Variants in RALY observed in about 807,000 individuals in gnomAD.
The protein encoded by RALY is RNA-binding protein Raly.
Under a neutral mutation model 30.7 loss-of-function variants are expected in RALY, and 15 were observed. The ratio of observed to expected loss-of-function variants is 0.49; its 90% CI spans 0.33 to 0.75. The LOEUF is 0.75. Ranked by LOEUF, RALY falls within the 30% of genes least tolerant of loss-of-function variation. The pLI is 0.02. For missense variants in RALY, 339 were observed against 414.3 expected (o/e 0.82, Z 1.58); for synonymous variants, 177 against 170.8 (o/e 1.04, Z -0.28).
intron 1 of RALY, among the ~76,000 whole-genome samples, chr20:34,002,448 A>G (rs1365476191): frequency 1.3e-5 from 2 of 152,230 alleles, no homozygotes; most frequent in Non-Finnish European, 2.9e-5. Context: ...ATTCCTGTCC[A>G]CAAATTACTT....
At chr20:34,029,028 A>C (rs2032161423) in intron 1 of RALY, among the ~76,000 whole-genome samples, 1 of 152,102 alleles carries the variant, frequency 6.6e-6, no homozygotes, top group African/African-American at 2.4e-5. Flanking sequence ...ATGGATTGGA[A>C]TAGGAGGGGT....
chr20:34,024,819 T>C (rs927302697), intron 1 of RALY, among the ~76,000 whole-genome samples: 4 of 152,204 alleles, frequency 2.6e-5, no homozygotes, highest in Admixed American at 2.0e-4. Flanking sequence ...TGCCTGGGCA[T>C]AGGCAACCAT....
rs2034055048 is a variant in RALY, at chr20:34,083,107, C to A, written c.*3202C>A. ...ATCTGGATCAGGGATAGTAAATGGG[C>A]CTTTGTTCAGTTACTGACTGTTGTA... On this transcript the variant is annotated 3_prime_UTR_variant, in exon 10 of 10. Coordinates refer to ENST00000246194, the MANE Select transcript of RALY (RefSeq NM_016732.3). 6.6e-6 allele frequency: 1 copy of A among 152,198 alleles called. No homozygotes were observed. The highest frequency in any genetic ancestry group is 1.5e-5 in the Non-Finnish European group (1 of 68,042). The allele number at this position is 152,198 out of a possible 1,614,324, so 9.4% of individuals were successfully genotyped here.
chr20:34,031,771 G>T (rs1307587041), intron 2 of RALY, among the ~76,000 whole-genome samples, 167 bp downstream of exon 2: 1 of 152,160 alleles, frequency 6.6e-6, no homozygotes, highest in Non-Finnish European at 1.5e-5. Context: ...GAACTGGGAG[G>T]GTTGAGACTG....
chr20:34,056,108 T>TA (rs73621673), intron 2 of RALY, among the ~76,000 whole-genome samples: 15,137 of 152,208 alleles, frequency 0.099, 898 homozygotes, highest in African/African-American at 0.17. Flanking sequence ...ACAAAGCCCT[T>TA]TCTGATCTGA....
chr20:34,001,435 A>G (rs2030911033), intron 1 of RALY, among the ~76,000 whole-genome samples: 1 of 152,182 alleles, frequency 6.6e-6, no homozygotes, highest in Non-Finnish European at 1.5e-5. Flanking sequence ...TTGTCAAGGT[A>G]AGACTCATTG....
At chr20:34,033,755 T>TA (rs2032372904) in intron 2 of RALY, among the ~76,000 whole-genome samples, 1 of 152,154 alleles carries the variant, frequency 6.6e-6, no homozygotes, top group African/African-American at 2.4e-5. Flanking sequence ...CCATCCAAAA[T>TA]ATAGCAGTAT....
chr20:34,076,008 C>T lies in RALY; in HGVS notation c.512C>T (p.Thr171Ile). ...CCTGTCAAGCTCTTTGCCCGCTCCA[C>T]AGCTGTCACCACCAGCTCAGCCAAG... ...NVPVKLFARS[T>I]AVTTSSAKIK... is the part of the protein sequence containing the mutation. The change falls in exon 6 of 10, where the codon ACA (threonine) becomes ATA (isoleucine). Residue 171 changes from threonine (T) to isoleucine (I), a missense_variant. Transcript: ENST00000246194. The T allele has an allele frequency of 1.2e-6, 2 of 1,614,232 alleles. No homozygotes were observed. The highest frequency in any genetic ancestry group is 1.7e-6 in the Non-Finnish European group (2 of 1,180,030).
intron 1 of RALY, among the ~76,000 whole-genome samples, chr20:34,003,064 T>A (rs2030991550): frequency 6.6e-6 from 1 of 152,116 alleles, no homozygotes; most frequent in Non-Finnish European, 1.5e-5. Context: ...ATGGAAATGG[T>A]GGGCACATTG....
chr20:34,022,094 C>CTTT (rs1193826286), intron 1 of RALY, among the ~76,000 whole-genome samples: 1 of 135,144 alleles, frequency 7.4e-6, no homozygotes, highest in East Asian at 2.1e-4. Context: ...TTCTTTCTTT[C>CTTT]TTTTTTTTTT....
rs537462714 is a variant in RALY, at chr20:34,044,859, C to G, written c.-10+13255C>G. On this transcript the variant is annotated intron_variant, in intron 2 of 9. Coordinates refer to ENST00000246194, the MANE Select transcript of RALY (RefSeq NM_016732.3). ...CCATTCAACAGATGTCTGATACTGC[C>G]CATAGAACTGGGATACAGTAATGAA... 2.6e-5 allele frequency among the ~76,000 whole-genome samples: 4 copies of G among 152,248 alleles called. No homozygotes were observed. In the East Asian group the frequency reaches 7.7e-4, roughly 29 times the overall value.
chr20:34,059,692 G>C (rs1412790273), intron 2 of RALY, among the ~76,000 whole-genome samples: 1 of 152,164 alleles, frequency 6.6e-6, no homozygotes, highest in East Asian at 1.9e-4. Flanking sequence ...TGCCTGTTGT[G>C]GTAGGAGTTA....
chr20:34,059,902 A>G (rs925104855), intron 2 of RALY, among the ~76,000 whole-genome samples: 22 of 152,200 alleles, frequency 1.4e-4, no homozygotes, highest in African/African-American at 5.3e-4. Flanking sequence ...AGGGTCCTCA[A>G]AGCACAAGGA....
intron 2 of RALY, among the ~76,000 whole-genome samples, chr20:34,032,187 T>C (rs910153923): frequency 3.9e-5 from 6 of 152,218 alleles, no homozygotes; most frequent in Admixed American, 3.9e-4. Flanking sequence ...GGTCTCGAAC[T>C]CCCGACCTCA....
chr20:34,006,386 G>A (rs561393849), intron 1 of RALY, among the ~76,000 whole-genome samples: 1 of 152,308 alleles, frequency 6.6e-6, no homozygotes, highest in East Asian at 1.9e-4. Flanking sequence ...TCTTTATAAA[G>A]TGTAACAGTT....
intron 9 of RALY, 59 bp downstream of exon 9, chr20:34,078,612 C>T (rs376915979): frequency 4.3e-5 from 62 of 1,447,142 alleles, no homozygotes; most frequent in Non-Finnish European, 5.0e-5. Flanking sequence ...GGAGGTTGTG[C>T]CTTTTCCCTG....
chr20:34,020,619 A>G (rs2031782924), intron 1 of RALY, among the ~76,000 whole-genome samples: 1 of 152,214 alleles, frequency 6.6e-6, no homozygotes, highest in Non-Finnish European at 1.5e-5. Context: ...AATCTAGCCC[A>G]TTGCCTCTTT....
intron 2 of RALY, among the ~76,000 whole-genome samples, chr20:34,042,053 A>C (rs949318598): frequency 1.3e-5 from 2 of 152,120 alleles, no homozygotes; most frequent in Non-Finnish European, 2.9e-5. Flanking sequence ...CGGCGGGTGG[A>C]GGTTGCAGTG....
At chr20:34,010,099 A>G (rs541894538) in intron 1 of RALY, among the ~76,000 whole-genome samples, 2 of 152,316 alleles carry the variant, frequency 1.3e-5, no homozygotes, top group Non-Finnish European at 2.9e-5. Context: ...TCAGTGGATC[A>G]TGTCCTTGTC....
Sources: allele counts gnomAD v4.1 joint callset (sites outside exome capture counted in the v4.1 genomes callset), GRCh38; gene constraint gnomAD v4.1.1; transcripts MANE v1.5; gene names NCBI Gene and HGNC (gene_info 2026-07-23, HGNC 2026-07-21).